SPAG16: variants seen among roughly 807,000 people sequenced by gnomAD.
SPAG16 encodes the protein sperm associated antigen 16.
SPAG16 carries 86 observed loss-of-function variants against 80.4 expected under a neutral mutation model. That is an observed-to-expected ratio of 1.07 (90% confidence interval 0.90 to 1.28). The LOEUF is 1.28. Among genes scored for constraint, SPAG16 ranks in the 50% most tolerant of loss-of-function variants. SPAG16 has a pLI of 0.00. For synonymous variants in SPAG16, 294 were observed against 265.9 expected (o/e 1.11, Z -1.03); for missense variants, 870 against 765.3 (o/e 1.14, Z -1.61).
In SPAG16 at chr2:213,610,990, G is replaced by A. The variant is rs562579075; in HGVS notation, c.1070+120900G>A. Among the ~76,000 whole-genome samples the A allele has an allele frequency of 6.4e-4, 97 of 152,212 alleles. 1 individual carries two copies. The highest frequency in any genetic ancestry group is 1.6e-3 in the Admixed American group (24 of 15,280). ...GTTTCCTTAACCATAAACATCTAGA[G>A]GCCAGGAACACCTTTCTTCCAGGGA... On this transcript the variant is annotated intron_variant, in intron 10 of 15. Coordinates refer to ENST00000331683, the MANE Select transcript of SPAG16 (RefSeq NM_024532.5).
intron 13 of SPAG16, among the ~76,000 whole-genome samples, chr2:214,081,937 A>C (rs184386748): frequency 6.6e-6 from 1 of 151,812 alleles, no homozygotes; most frequent in Non-Finnish European, 1.5e-5. Context: ...AATCATTAGA[A>C]CTCAAGAGAG....
rs571362836 is a variant in SPAG16 at position 213,344,056 on chromosome 2, G to A, written c.644+3786G>A. Among the ~76,000 whole-genome samples, 5 of 152,210 alleles carry A rather than the reference G, an allele frequency of 3.3e-5. No homozygotes were observed. The East Asian group carries it at 9.6e-4, about 29-fold the overall frequency. ...CCAAATATGCTGTGAGCAGACTTTA[G>A]CCAGGACTGTACTTATTTTCTGTTC... On this transcript the variant is annotated intron_variant, in intron 6 of 15. Transcript: ENST00000331683.
chr2:214,104,444 C>T (rs2053263452), intron 13 of SPAG16, among the ~76,000 whole-genome samples: 1 of 151,858 alleles, frequency 6.6e-6, no homozygotes, highest in Admixed American at 6.6e-5. Flanking sequence ...GAAGGAGGCT[C>T]CTGCCATAGT....
intron 6 of SPAG16, among the ~76,000 whole-genome samples, chr2:213,340,521 G>A (rs1257821603): frequency 6.6e-6 from 1 of 152,098 alleles, no homozygotes; most frequent in Non-Finnish European, 1.5e-5. Flanking sequence ...ATCCCAATAC[G>A]ACTGGAGTGT....
rs181579483 is a variant in SPAG16 at position 213,739,240 on chromosome 2, C to G, written c.1071-123245C>G. Among the ~76,000 whole-genome samples the G allele has an allele frequency of 3.7e-4, 57 of 152,204 alleles. No individual in the cohort carries two copies. The East Asian group carries it at 0.011, about 29-fold the overall frequency. On this transcript the variant is annotated intron_variant, in intron 10 of 15. Transcript: ENST00000331683. ...ATAATGTGGTTTGGTTAATTTGGCC[C>G]CCTATTACTTGTACTTCAACAGGTT...
intron 10 of SPAG16, among the ~76,000 whole-genome samples, chr2:213,595,113 A>G (rs2060843783): frequency 6.6e-6 from 1 of 151,986 alleles, no homozygotes; most frequent in Admixed American, 6.6e-5. Context: ...AGAAAAAAAT[A>G]ATATTCAAAT....
chr2:213,287,635 G>A (rs1363327494), intron 1 of SPAG16, among the ~76,000 whole-genome samples: 1 of 152,122 alleles, frequency 6.6e-6, no homozygotes, highest in Non-Finnish European at 1.5e-5. Context: ...TTAGATGGTA[G>A]GTGTAAGTTT....
intron 11 of SPAG16, among the ~76,000 whole-genome samples, chr2:213,923,039 G>A (rs1355917118): frequency 6.6e-6 from 1 of 152,064 alleles, no homozygotes; most frequent in Admixed American, 6.5e-5. Context: ...TCTGGCTATG[G>A]GAGGCAGGGG....
intron 15 of SPAG16, among the ~76,000 whole-genome samples, chr2:214,249,440 A>G (rs1485484628): frequency 6.6e-6 from 1 of 152,036 alleles, no homozygotes; most frequent in East Asian, 1.9e-4. Context: ...AGGAGGAAAG[A>G]TAGGGATGGG....
At chr2:213,648,977 ATAATC>A (rs1553602562) in intron 10 of SPAG16, among the ~76,000 whole-genome samples, 3 of 152,210 alleles carry the variant, frequency 2.0e-5, no homozygotes, top group Non-Finnish European at 2.9e-5. Flanking sequence ...CTGAAAAAAA[ATAATC>A]TAAATGAATA....
In SPAG16 at chr2:213,845,073, A is replaced by T. The variant is rs569653453; in HGVS notation, c.1071-17412A>T. On this transcript the variant is annotated intron_variant, in intron 10 of 15. Coordinates refer to ENST00000331683, the MANE Select transcript of SPAG16 (RefSeq NM_024532.5). ...CCATTGTCTTGTGACTGTGATTCTA[A>T]ATGCTGTCATTTCTAAAGTAACTTA... 5.3e-5 allele frequency among the ~76,000 whole-genome samples: 8 copies of T among 152,292 alleles called. No homozygotes were observed. In the East Asian group the frequency reaches 1.5e-3, roughly 29 times the overall value.
intron 13 of SPAG16, among the ~76,000 whole-genome samples, chr2:214,101,700 G>A (rs1385055609): frequency 1.3e-5 from 2 of 152,088 alleles, no homozygotes; most frequent in East Asian, 3.9e-4. Flanking sequence ...AGGCAAAACT[G>A]GAAAAGTGTC....
chr2:213,344,748 A>G (rs998779261), intron 6 of SPAG16, among the ~76,000 whole-genome samples: 2 of 152,034 alleles, frequency 1.3e-5, no homozygotes, highest in African/African-American at 4.8e-5. Context: ...CATGGTGTAT[A>G]TGTGCCACAT....
At chr2:213,946,551 T>C (rs2079482525) in intron 12 of SPAG16, among the ~76,000 whole-genome samples, 1 of 152,244 alleles carries the variant, frequency 6.6e-6, no homozygotes, top group African/African-American at 2.4e-5. Context: ...GAATAAATTT[T>C]AAAATGGTAG....
At chr2:214,201,829 TTTTCC>T (rs1253678920) in intron 15 of SPAG16, among the ~76,000 whole-genome samples, 2 of 151,266 alleles carry the variant, frequency 1.3e-5, no homozygotes, top group African/African-American at 4.9e-5. Flanking sequence ...TTTTCTTTTC[TTTTCC>T]TTTCCTTTTA....
At chr2:213,314,859 T>G (rs1309169557) in intron 4 of SPAG16, among the ~76,000 whole-genome samples, 2 of 151,928 alleles carry the variant, frequency 1.3e-5, no homozygotes, top group Non-Finnish European at 2.9e-5. Flanking sequence ...ACTTACTGAA[T>G]TTATGATTCA....
rs569021815 is a variant in SPAG16, at chr2:213,974,948, T to TAAAA, written c.1401-38989_1401-38986dup. On this transcript the variant is annotated intron_variant, in intron 12 of 15. Coordinates refer to ENST00000331683, the MANE Select transcript of SPAG16 (RefSeq NM_024532.5). Reference sequence around the variant, plus strand: ...ATCTAGTATTGAAGTAAGATGTCGTTAAAAAAAAAAAAAAAAACACAAAAT... The same window carrying TAAAA: ...ATCTAGTATTGAAGTAAGATGTCGTTAAAAAAAAAAAAAAAAAAAAACACAAAAT... Among the ~76,000 whole-genome samples, 1,145 of 116,302 alleles carry TAAAA rather than the reference T, an allele frequency of 9.8e-3. 19 individuals are homozygous for TAAAA. Among genetic ancestry groups the TAAAA allele is most frequent in the East Asian group, 0.079 (333 of 4,210 alleles). The allele number at this position is 116,302 out of a possible 152,430, so 76.3% of individuals were successfully genotyped here. A position where few individuals can be genotyped will look rare whatever the true frequency, so the allele number is the denominator to read the frequency against.
At chr2:213,975,664 G>A (rs1350233190) in intron 12 of SPAG16, among the ~76,000 whole-genome samples, 1 of 151,736 alleles carries the variant, frequency 6.6e-6, no homozygotes, top group East Asian at 1.9e-4. Flanking sequence ...AAAAAATGAT[G>A]AATCTAAGAA....
intron 15 of SPAG16, among the ~76,000 whole-genome samples, chr2:214,337,590 G>A (rs1697386818): frequency 6.6e-6 from 1 of 152,164 alleles, no homozygotes; most frequent in Non-Finnish European, 1.5e-5. Flanking sequence ...ATATTCTAGG[G>A]AGAGAACAAT....
Sources: gnomAD v4.1 joint callset for allele counts (sites outside exome capture counted in the v4.1 genomes callset) on GRCh38, gnomAD v4.1.1 for gene constraint, MANE v1.5 for transcripts, NCBI Gene and HGNC (gene_info 2026-07-23, HGNC 2026-07-21) for gene names.